The following C12orf54 variants were observed in gnomAD, a reference collection of about 807,000 sequenced individuals.
C12orf54 encodes uncharacterized protein C12orf54.
In C12orf54, 24 loss-of-function variants were observed where a neutral mutation model predicts 26.4. The ratio of observed to expected loss-of-function variants is 0.91; its 90% CI spans 0.66 to 1.28. The LOEUF is 1.28. Among genes scored for constraint, C12orf54 ranks in the 50% most tolerant of loss-of-function variants. The probability of loss-of-function intolerance (pLI) is 0.00; values close to 1 mark genes in which losing one functional copy is unlikely to be tolerated. For missense variants in C12orf54, 154 were observed against 150.9 expected, an observed-to-expected ratio of 1.02 and a Z score of -0.11; for synonymous variants, 54 against 47.0, an observed-to-expected ratio of 1.15 and a Z score of -0.61.
chr12:48,461,749 A>G, the C12orf54 span, among the ~76,000 whole-genome samples: 41 of 151,980 alleles, frequency 2.7e-4, no homozygotes, highest in African/African-American at 9.6e-4. Flanking sequence ...TTTCCCATCA[A>G]TTTAGAGGGA....
chr12:48,451,819 C>G, the C12orf54 span, among the ~76,000 whole-genome samples: 1 of 152,174 alleles, frequency 6.6e-6, no homozygotes, highest in South Asian at 2.1e-4. Flanking sequence ...CTGCAAACCA[C>G]TGCTCAAAGA....
the C12orf54 span, among the ~76,000 whole-genome samples, chr12:48,430,125 T>C: frequency 6.6e-6 from 1 of 151,844 alleles, no homozygotes; most frequent in Non-Finnish European, 1.5e-5. Flanking sequence ...AACTGGATCC[T>C]CATCTCTTGC....
chr12:48,454,641 G>A, the C12orf54 span, among the ~76,000 whole-genome samples: 202 of 152,204 alleles, frequency 1.3e-3, no homozygotes, highest in African/African-American at 4.7e-3. Flanking sequence ...GGAAAGTTAT[G>A]CAGCATAAAA....
intron 7 of C12orf54, among the ~76,000 whole-genome samples, chr12:48,493,750 C>T (rs926517769): frequency 2.8e-5 from 3 of 107,814 alleles, no homozygotes; most frequent in Non-Finnish European, 6.3e-5. Flanking sequence ...AGAAATGTCA[C>T]TTTCTCTTCC....
chr12:48,426,930 G>T, the C12orf54 span, among the ~76,000 whole-genome samples: 8 of 152,006 alleles, frequency 5.3e-5, no homozygotes, highest in Middle Eastern at 3.2e-3. Context: ...CACTGATTTT[G>T]TGTCCTAAAG....
At chr12:48,451,742 T>C in the C12orf54 span, among the ~76,000 whole-genome samples, 4 of 152,034 alleles carry the variant, frequency 2.6e-5, no homozygotes, top group African/African-American at 9.7e-5. Flanking sequence ...CATTCACAAT[T>C]GCCATAATGA....
chr12:48,489,079 T>G (rs978963887), intron 5 of C12orf54, 123 bp downstream of exon 5: 2 of 982,966 alleles, frequency 2.0e-6, no homozygotes, highest in East Asian at 2.4e-5. Flanking sequence ...ATTTTTCTAG[T>G]GATTTCTCCC....
chr12:48,415,589 G>A, the C12orf54 span, among the ~76,000 whole-genome samples: 1 of 152,058 alleles, frequency 6.6e-6, no homozygotes, highest in East Asian at 1.9e-4. Context: ...AATGGCTGCT[G>A]TGCCTCAGTT....
At chr12:48,491,123 G>A (rs1937780602) in intron 6 of C12orf54, among the ~76,000 whole-genome samples, 2 of 152,204 alleles carry the variant, frequency 1.3e-5, no homozygotes, top group African/African-American at 4.8e-5. Flanking sequence ...GTCTGAGTCT[G>A]TTCAGGCTGC....
intron 3 of C12orf54, chr12:48,486,422 G>T (rs566776403): frequency 1.3e-5 from 8 of 625,732 alleles, no homozygotes; most frequent in Non-Finnish European, 1.4e-5. Flanking sequence ...GGGCAGGCAG[G>T]CTTACAGGCA....
intron 2 of C12orf54, among the ~76,000 whole-genome samples, chr12:48,485,134 T>G (rs1226944798): frequency 6.6e-6 from 1 of 152,136 alleles, no homozygotes; most frequent in Non-Finnish European, 1.5e-5. Flanking sequence ...TAGAGTGCAG[T>G]ATCACAATCA....
chr12:48,491,712 C>T (rs984496940), intron 6 of C12orf54, among the ~76,000 whole-genome samples: 5 of 151,984 alleles, frequency 3.3e-5, no homozygotes, highest in South Asian at 2.1e-4. Context: ...TCTAGCATTT[C>T]GAGAAAATAC....
chr12:48,416,455 T>C, the C12orf54 span, among the ~76,000 whole-genome samples: 1 of 151,808 alleles, frequency 6.6e-6, no homozygotes, highest in Admixed American at 6.5e-5. Context: ...GATGGTGGGC[T>C]TCTTTGGTCA....
the C12orf54 span, among the ~76,000 whole-genome samples, chr12:48,467,183 G>A: frequency 6.6e-6 from 1 of 152,136 alleles, no homozygotes; most frequent in Non-Finnish European, 1.5e-5. Context: ...AAGGTGATGG[G>A]AAGACAGAGG....
At chr12:48,440,326 G>T in the C12orf54 span, among the ~76,000 whole-genome samples, 3 of 152,150 alleles carry the variant, frequency 2.0e-5, no homozygotes, top group South Asian at 4.1e-4. Flanking sequence ...TGAAGGGAAG[G>T]ATGACACTTG....
chr12:48,468,303 T>G, the C12orf54 span, among the ~76,000 whole-genome samples: 1 of 152,006 alleles, frequency 6.6e-6, no homozygotes, highest in Non-Finnish European at 1.5e-5. Context: ...GAAGTGCACA[T>G]CTGGCACACC....
chr12:48,483,152 A>G (rs1954217523), intron 1 of C12orf54, 88 bp from the exon 2 acceptor site: 1 of 566,922 alleles, frequency 1.8e-6, no homozygotes, highest in Non-Finnish European at 2.9e-6. Flanking sequence ...CAAATGCTCC[A>G]TTAACTGCTG....
intron 7 of C12orf54, 40 bp from the exon 8 acceptor site, chr12:48,494,758 T>G: frequency 6.2e-7 from 1 of 1,600,620 alleles, no homozygotes; most frequent in Non-Finnish European, 8.6e-7. Flanking sequence ...GGGTAAGATC[T>G]CTTTCCCTCA....
the C12orf54 span, among the ~76,000 whole-genome samples, chr12:48,435,279 G>A: frequency 1.2e-4 from 18 of 152,240 alleles, no homozygotes; most frequent in South Asian, 1.9e-3. Context: ...CCAAATCTAC[G>A]TCTGACTGGT....
Sources: gnomAD v4.1 joint callset for allele counts (sites outside exome capture counted in the v4.1 genomes callset) on GRCh38, gnomAD v4.1.1 for gene constraint, MANE v1.5 for transcripts, NCBI Gene and HGNC (gene_info 2026-07-23, HGNC 2026-07-21) for gene names.